Variants in DPYSL5 observed in about 807,000 individuals in gnomAD.
The protein encoded by DPYSL5 is dihydropyrimidinase like 5, also known as dihydropyrimidinase-related protein 5.
Under a neutral mutation model 58.4 loss-of-function variants are expected in DPYSL5, and 9 were observed. The ratio of observed to expected loss-of-function variants is 0.15; its 90% CI spans 0.09 to 0.27. DPYSL5 has a LOEUF of 0.27. Ranked by LOEUF, DPYSL5 falls within the 10% of genes least tolerant of loss-of-function variation. The pLI is 1.00. For missense variants in DPYSL5, 499 were observed against 770.6 expected (o/e 0.65, Z 4.17); for synonymous variants, 293 against 301.9 (o/e 0.97, Z 0.31).
Position 26,848,274 on chromosome 2 carries a change from T to A in DPYSL5, c.-5+20T>A, listed in dbSNP as rs1322328753. On this transcript the variant is annotated intron_variant, in intron 1 of 12. Transcript: ENST00000288699. ...GGAGGAGTGGGTGATGGCAGGGGGG[T>A]CGGTGGGCTTACCCCTCCCGGGCTA... The A allele has an allele frequency of 6.6e-6, 1 of 150,808 alleles. No individual in the cohort carries two copies. The highest frequency in any genetic ancestry group is 1.5e-5 in the Non-Finnish European group (1 of 67,746). The allele number at this position is 150,808 out of a possible 1,614,324, so 9.3% of individuals were successfully genotyped here.
At chr2:26,919,941 T>C (rs1664663208) in intron 2 of DPYSL5, among the ~76,000 whole-genome samples, 1 of 152,188 alleles carries the variant, frequency 6.6e-6, no homozygotes, top group African/African-American at 2.4e-5. Context: ...TCTACATAAA[T>C]AAATCTTAAA....
chr2:26,932,383 C>T (rs192788348), intron 6 of DPYSL5, among the ~76,000 whole-genome samples: 49 of 152,310 alleles, frequency 3.2e-4, no homozygotes, highest in Admixed American at 6.5e-4. Context: ...CATTCCACCC[C>T]GCCGAGCCTG....
At chr2:26,852,225 A>G (rs1313220997) in intron 1 of DPYSL5, among the ~76,000 whole-genome samples, 2 of 152,236 alleles carry the variant, frequency 1.3e-5, no homozygotes, top group Non-Finnish European at 2.9e-5. Context: ...TTGGTGTAAT[A>G]TGGGAGCAAA....
At chr2:26,901,634 G>C (rs1317513058) in intron 2 of DPYSL5, among the ~76,000 whole-genome samples, 1 of 152,148 alleles carries the variant, frequency 6.6e-6, no homozygotes, top group African/African-American at 2.4e-5. Flanking sequence ...AAGCATCTGG[G>C]TTTATAATAG....
At chr2:26,928,656 G>T in intron 5 of DPYSL5, among the ~76,000 whole-genome samples, 1 of 143,202 alleles carries the variant, frequency 7.0e-6, no homozygotes. Context: ...GAGCCGTGAT[G>T]ATGCCACTGC....
At chr2:26,874,245 T>G (rs1320140122) in intron 1 of DPYSL5, among the ~76,000 whole-genome samples, 2 of 152,216 alleles carry the variant, frequency 1.3e-5, no homozygotes, top group African/African-American at 4.8e-5. Context: ...TAACAGGATC[T>G]TATGAAGAAC....
intron 3 of DPYSL5, among the ~76,000 whole-genome samples, chr2:26,926,452 G>A (rs926711770): frequency 1.4e-4 from 21 of 152,162 alleles, no homozygotes; most frequent in African/African-American, 4.8e-4. Flanking sequence ...AGCTTATGGT[G>A]ACTTTCATGC....
intron 11 of DPYSL5, among the ~76,000 whole-genome samples, chr2:26,943,140 G>T (rs892386207): frequency 6.6e-6 from 1 of 152,080 alleles, no homozygotes; most frequent in East Asian, 1.9e-4. Flanking sequence ...AAGCAAGCGG[G>T]GGGTAGAGCT....
intron 1 of DPYSL5, among the ~76,000 whole-genome samples, chr2:26,876,071 C>T: frequency 6.6e-6 from 1 of 152,224 alleles, no homozygotes; most frequent in Admixed American, 6.5e-5. Context: ...TGCACTTTTT[C>T]AGACTCAACC....
intron 1 of DPYSL5, among the ~76,000 whole-genome samples, chr2:26,863,805 T>C (rs540240731): frequency 3.3e-5 from 5 of 152,308 alleles, no homozygotes; most frequent in Admixed American, 3.3e-4. Flanking sequence ...TCTAAACATT[T>C]CATATACATA....
Position 26,942,738 on chromosome 2 carries a change from C to T in DPYSL5, c.1428C>T (p.Val476=), listed in dbSNP as rs771283054. The T allele has an allele frequency of 5.0e-6, 8 of 1,613,818 alleles. No individual in the cohort carries two copies. The highest frequency in any genetic ancestry group is 5.9e-6 in the Non-Finnish European group (7 of 1,179,846). The change falls in exon 11 of 13, where the codon GTC becomes GTT. Residue 476 remains valine, a synonymous_variant. Transcript: ENST00000288699. This position sits in a 1 kb window ranked among gnomAD's most constrained non-coding sequence, Gnocchi z 5.9. The part of the protein sequence containing the change: ...SFPDTVYKKL[V]QREKTLKVRG... ...CAGACACTGTCTACAAGAAGCTGGT[C>T]CAGAGAGAGAAGGTGAGGTGGGAGG...
intron 1 of DPYSL5, among the ~76,000 whole-genome samples, chr2:26,874,526 T>C (rs11675278): frequency 0.016 from 2,455 of 152,340 alleles, 31 homozygotes; most frequent in Middle Eastern, 0.068. Flanking sequence ...AATGATCATA[T>C]ATATATGTAG....
intron 1 of DPYSL5, among the ~76,000 whole-genome samples, chr2:26,873,791 G>A (rs1269057628): frequency 6.6e-6 from 1 of 152,112 alleles, no homozygotes; most frequent in East Asian, 1.9e-4. Context: ...CACCCACACT[G>A]GTGAGGGGTG....
Position 26,925,148 on chromosome 2 carries a change from A to G in DPYSL5, c.420+103A>G. ...CCTGCTTGTGTGGGGCACCCCTCCC[A>G]CTACCATCCTAGCTCCCCACAATGC... On this transcript the variant is annotated intron_variant, in intron 3 of 12. Coordinates refer to ENST00000288699, the MANE Select transcript of DPYSL5 (RefSeq NM_020134.4). The surrounding 1 kb of genome is among the most constrained non-coding windows in gnomAD (Gnocchi z 4.5). 7.0e-7 allele frequency: 1 copy of G among 1,423,702 alleles called. No homozygotes were observed. Among genetic ancestry groups the G allele is most frequent in the Non-Finnish European group, 9.5e-7 (1 of 1,049,098 alleles). 88.2% of individuals were successfully genotyped at this position (1,423,702 alleles called of 1,614,324 possible). A position where few individuals can be genotyped will look rare whatever the true frequency, so the allele number is the denominator to read the frequency against.
chr2:26,882,573 C>A (rs1663602874), intron 1 of DPYSL5, among the ~76,000 whole-genome samples: 2 of 152,050 alleles, frequency 1.3e-5, no homozygotes. Flanking sequence ...CAGGCATAAG[C>A]ACCACGCCCA....
chr2:26,848,169 C>T lies in DPYSL5; in HGVS notation c.-90C>T, dbSNP rs1252650851. The T allele has an allele frequency of 6.6e-6, 1 of 151,538 alleles. No individual in the cohort carries two copies. The highest frequency in any genetic ancestry group is 1.5e-5 in the Non-Finnish European group (1 of 67,898). 9.4% of individuals were successfully genotyped at this position (151,538 alleles called of 1,614,324 possible). On this transcript the variant is annotated 5_prime_UTR_variant, in exon 1 of 13. Coordinates refer to ENST00000288699, the MANE Select transcript of DPYSL5 (RefSeq NM_020134.4). ...GAGCGAGCGCGCGTGCAGCCGCCGC[C>T]GCCCCGAGCACCCGCAGCTCCGGCG...
chr2:26,871,858 G>A (rs1279076043), intron 1 of DPYSL5, among the ~76,000 whole-genome samples: 2 of 151,932 alleles, frequency 1.3e-5, no homozygotes, highest in Admixed American at 6.6e-5. Context: ...TATCAACATC[G>A]TAAATAGAAA....
intron 1 of DPYSL5, among the ~76,000 whole-genome samples, chr2:26,873,347 C>G (rs1294480559): frequency 1.3e-5 from 2 of 152,144 alleles, no homozygotes; most frequent in Non-Finnish European, 2.9e-5. Context: ...TCTCCACCAC[C>G]ACCTCCGCTC....
intron 1 of DPYSL5, among the ~76,000 whole-genome samples, chr2:26,883,193 C>T (rs529900196): frequency 6.6e-6 from 1 of 152,244 alleles, no homozygotes; most frequent in African/African-American, 2.4e-5. Flanking sequence ...AGAAGCTCCC[C>T]CTACCATGGG....
Sources: allele counts gnomAD v4.1 joint callset (sites outside exome capture counted in the v4.1 genomes callset), GRCh38; gene constraint gnomAD v4.1.1; non-coding constraint Gnocchi (gnomAD v3.1); transcripts MANE v1.5; gene names NCBI Gene and HGNC (gene_info 2026-07-23, HGNC 2026-07-21).